The following EYA2 variants were observed in gnomAD, a reference collection of about 807,000 sequenced individuals.
EYA2 encodes the protein EYA transcriptional coactivator and phosphatase 2, also known as protein phosphatase EYA2.
EYA2 carries 31 observed loss-of-function variants against 69.2 expected under a neutral mutation model. The ratio of observed to expected loss-of-function variants is 0.45; its 90% CI spans 0.34 to 0.60. The LOEUF is 0.60. Among genes scored for constraint, EYA2 ranks in the 20% least tolerant of loss-of-function variants. The pLI, the probability that EYA2 is intolerant of heterozygous loss-of-function variation, is 0.02. For missense variants in EYA2, 622 were observed against 701.2 expected (o/e 0.89, Z 1.28); for synonymous variants, 257 against 279.4 (o/e 0.92, Z 0.80).
chr20:47,156,127 C>CACACAT (rs2033938167), intron 10 of EYA2, among the ~76,000 whole-genome samples: 2 of 14,664 alleles, frequency 1.4e-4, no homozygotes, highest in Non-Finnish European at 2.3e-4. Flanking sequence ...CACACACACA[C>CACACAT]ATATATATAT....
At chr20:47,054,831 A>G (rs1343189902) in intron 5 of EYA2, among the ~76,000 whole-genome samples, 2 of 152,214 alleles carry the variant, frequency 1.3e-5, no homozygotes, top group Non-Finnish European at 2.9e-5. Flanking sequence ...ACTCTCGCAC[A>G]CAAGTAAAAT....
intron 9 of EYA2, among the ~76,000 whole-genome samples, chr20:47,116,392 G>T (rs1027036423): frequency 3.3e-5 from 5 of 151,964 alleles, no homozygotes; most frequent in African/African-American, 4.8e-5. Flanking sequence ...TGGCCAGGCT[G>T]GTCTCGAACT....
chr20:47,156,536 G>A (rs563637351), intron 10 of EYA2, among the ~76,000 whole-genome samples: 2 of 151,868 alleles, frequency 1.3e-5, no homozygotes, highest in Admixed American at 1.3e-4. Flanking sequence ...GGCAGCCATG[G>A]CTGCTTGCCT....
At chr20:47,066,830 C>T (rs1367512954) in intron 5 of EYA2, among the ~76,000 whole-genome samples, 1 of 152,128 alleles carries the variant, frequency 6.6e-6, no homozygotes, top group Non-Finnish European at 1.5e-5. Context: ...TTTTTTTCAT[C>T]TCATCTTTGC....
chr20:46,925,325 C>T (rs6018181), intron 1 of EYA2, among the ~76,000 whole-genome samples: 1 of 152,082 alleles, frequency 6.6e-6, no homozygotes, highest in Non-Finnish European at 1.5e-5. Flanking sequence ...AGAAAAGATT[C>T]ATGACTGGCC....
intron 1 of EYA2, among the ~76,000 whole-genome samples, chr20:46,971,789 G>A (rs1980162423): frequency 6.6e-6 from 1 of 152,196 alleles, no homozygotes; most frequent in Non-Finnish European, 1.5e-5. Context: ...AAAATGTTCT[G>A]ATAAGTGGTG....
intron 1 of EYA2, among the ~76,000 whole-genome samples, chr20:46,943,209 C>T (rs1272421275): frequency 2.0e-5 from 3 of 152,238 alleles, no homozygotes. Context: ...GGGTAGAGGT[C>T]AGGGTTGCTG....
chr20:47,092,965 G>A lies in EYA2; in HGVS notation c.804+3584G>A, dbSNP rs553052728. Among the ~76,000 whole-genome samples the A allele has an allele frequency of 2.0e-5, 3 of 152,302 alleles. No homozygotes were observed. In the South Asian group the frequency reaches 6.2e-4, roughly 32 times the overall value. On this transcript the variant is annotated intron_variant, in intron 8 of 15. Transcript: ENST00000327619. ...AGGGACCAACTTGAGCTACTTAGGT[G>A]AAAAAGCAGAATTTATTTTAAGGAT...
intron 7 of EYA2, among the ~76,000 whole-genome samples, chr20:47,077,153 A>C (rs1206818): frequency 0.81 from 123,332 of 152,196 alleles, 50,537 homozygotes; most frequent in African/African-American, 0.93. Context: ...AGAAGAGACA[A>C]TGGGTGAGCA....
intron 10 of EYA2, among the ~76,000 whole-genome samples, chr20:47,153,550 G>A (rs1027218226): frequency 1.3e-5 from 2 of 151,938 alleles, no homozygotes; most frequent in African/African-American, 4.8e-5. Flanking sequence ...AGCTACTTGG[G>A]AGGCTGAGGT....
chr20:47,073,028 T>C (rs2031374425), intron 6 of EYA2, among the ~76,000 whole-genome samples: 1 of 152,230 alleles, frequency 6.6e-6, no homozygotes, highest in South Asian at 2.1e-4. Context: ...ACTATGTACA[T>C]AGATAAAATA....
At chr20:47,032,929 G>A (rs1263104195) in intron 5 of EYA2, among the ~76,000 whole-genome samples, 1 of 152,208 alleles carries the variant, frequency 6.6e-6, no homozygotes, top group Admixed American at 6.5e-5. Flanking sequence ...GGTTGCTGCA[G>A]CCATTTGCTG....
At position 47,047,720 on chromosome 20, in the gene EYA2, T is replaced by A. The variant is rs1020923676; in HGVS notation, c.416-24465T>A. ...ATTTTTGTTAGGGACAAGGATATTG[T>A]CTTGTGTCCCACTGGTGCTGTAACA... On this transcript the variant is annotated intron_variant, in intron 5 of 15. Coordinates refer to ENST00000327619, the MANE Select transcript of EYA2 (RefSeq NM_005244.5). 2.7e-5 allele frequency among the ~76,000 whole-genome samples: 4 copies of A among 150,700 alleles called. No homozygotes were observed. The South Asian group carries it at 8.4e-4, about 32-fold the overall frequency.
At chr20:46,933,720 A>G (rs1416933030) in intron 1 of EYA2, among the ~76,000 whole-genome samples, 2 of 152,228 alleles carry the variant, frequency 1.3e-5, no homozygotes, top group Non-Finnish European at 2.9e-5. Flanking sequence ...GCTGTCTTGC[A>G]GCACCCCACG....
chr20:47,048,125 T>TAGGA (rs1335491983), intron 5 of EYA2, among the ~76,000 whole-genome samples: 3 of 152,216 alleles, frequency 2.0e-5, no homozygotes, highest in Non-Finnish European at 4.4e-5. Flanking sequence ...TTCCGAGGAT[T>TAGGA]AGGACATGAA....
chr20:46,996,138 A>C (rs995135269), intron 2 of EYA2, among the ~76,000 whole-genome samples: 13 of 152,258 alleles, frequency 8.5e-5, no homozygotes, highest in African/African-American at 3.1e-4. Flanking sequence ...TGAATGAATG[A>C]AACATGGTGT....
At chr20:47,085,918 A>G (rs549416065) in intron 7 of EYA2, among the ~76,000 whole-genome samples, 7 of 152,336 alleles carry the variant, frequency 4.6e-5, no homozygotes, top group East Asian at 1.9e-4. Context: ...GATTGTGGCA[A>G]TGGCTTCACA....
At chr20:47,037,405 C>G (rs1375224221) in intron 5 of EYA2, among the ~76,000 whole-genome samples, 1 of 152,196 alleles carries the variant, frequency 6.6e-6, no homozygotes, top group Non-Finnish European at 1.5e-5. Flanking sequence ...AAGAAGCACT[C>G]CGTGTTCATT....
intron 5 of EYA2, among the ~76,000 whole-genome samples, chr20:47,030,641 T>C (rs1397785304): frequency 6.6e-6 from 1 of 152,142 alleles, no homozygotes; most frequent in Non-Finnish European, 1.5e-5. Context: ...CTCTGGGAGC[T>C]AGAAGTCCCA....
Sources: allele counts gnomAD v4.1 joint callset (sites outside exome capture counted in the v4.1 genomes callset), GRCh38; gene constraint gnomAD v4.1.1; transcripts MANE v1.5; gene names NCBI Gene and HGNC (gene_info 2026-07-23, HGNC 2026-07-21).